DAPK2: variants seen among roughly 807,000 people sequenced by gnomAD.
DAPK2 encodes the protein death associated protein kinase 2, also known as death-associated protein kinase 2.
In DAPK2, 35 loss-of-function variants were observed where a neutral mutation model predicts 44.1. That is an observed-to-expected ratio of 0.79 (90% CI 0.61 to 1.05). The LOEUF (loss-of-function observed/expected upper bound fraction) is 1.05, where lower values mean the gene tolerates loss of function less well. Among genes scored for constraint, DAPK2 ranks in the 50% least tolerant of loss-of-function variants. The pLI is 0.00. For missense variants in DAPK2, 453 were observed against 483.2 expected (o/e 0.94, Z 0.59); for synonymous variants, 174 against 182.6 (o/e 0.95, Z 0.38).
At chr15:63,975,752 C>T (rs967834338) in intron 2 of DAPK2, among the ~76,000 whole-genome samples, 1 of 152,180 alleles carries the variant, frequency 6.6e-6, no homozygotes, top group Non-Finnish European at 1.5e-5. Context: ...GCACATGCCG[C>T]TACGCCCAGC....
chr15:64,018,963 T>C (rs528620508), intron 1 of DAPK2, among the ~76,000 whole-genome samples: 2 of 152,340 alleles, frequency 1.3e-5, no homozygotes, highest in East Asian at 3.9e-4. Context: ...GGTTTCCTCC[T>C]CCCTAAAAGG....
At chr15:63,987,130 G>T (rs2078688309) in intron 1 of DAPK2, among the ~76,000 whole-genome samples, 1 of 152,172 alleles carries the variant, frequency 6.6e-6, no homozygotes, top group African/African-American at 2.4e-5. Flanking sequence ...GATAACAGGA[G>T]TGAAAATTTG....
Position 63,923,402 on chromosome 15 carries a change from A to G in DAPK2, c.858+1414T>C, listed in dbSNP as rs2079144462. 1 of 1,503,926 alleles carries G rather than the reference A, an allele frequency of 6.6e-7. No homozygotes were observed. The highest frequency in any genetic ancestry group is 2.5e-5 in the East Asian group (1 of 40,598). 93.2% of individuals were successfully genotyped at this position (1,503,926 alleles called of 1,614,324 possible). A position where few individuals can be genotyped will look rare whatever the true frequency, so the allele number is the denominator to read the frequency against. Reference sequence around the variant, plus strand: ...TAATTTGCCGCCCACCCCAGAGGGCAGTCCAAAGGGTAGGCAGAAGGCACA... The same window carrying G: ...TAATTTGCCGCCCACCCCAGAGGGCGGTCCAAAGGGTAGGCAGAAGGCACA... On this transcript the variant is annotated intron_variant, in intron 8 of 10. Transcript: ENST00000261891. The surrounding 1 kb of genome is among the most constrained non-coding windows in gnomAD (Gnocchi z 4.2).
At chr15:64,033,335 A>AG (rs1245934503) in intron 1 of DAPK2, among the ~76,000 whole-genome samples, 5 of 150,800 alleles carry the variant, frequency 3.3e-5, no homozygotes, top group Non-Finnish European at 7.4e-5. Context: ...GAAAAAAAAA[A>AG]TAGCTGCTGG....
At chr15:63,985,905 T>C (rs2078655705) in intron 1 of DAPK2, among the ~76,000 whole-genome samples, 1 of 152,250 alleles carries the variant, frequency 6.6e-6, no homozygotes, top group Admixed American at 6.5e-5. Flanking sequence ...CTGAGTTTTC[T>C]CTTTGCGAGA....
rs1555484537 is a variant in DAPK2 at position 64,036,309 on chromosome 15, G to GTATATATGTATATA, written c.92+3860_92+3861insTATATACATATATA. Among the ~76,000 whole-genome samples, 354 of 60,488 alleles carry GTATATATGTATATA rather than the reference G, an allele frequency of 5.9e-3. 4 individuals are homozygous for GTATATATGTATATA. Among genetic ancestry groups the GTATATATGTATATA allele is most frequent in the Non-Finnish European group, 0.011 (279 of 24,968 alleles). 39.7% of individuals were successfully genotyped at this position (60,488 alleles called of 152,430 possible). A position where few individuals can be genotyped will look rare whatever the true frequency, so the allele number is the denominator to read the frequency against. On this transcript the variant is annotated intron_variant, in intron 1 of 10. Transcript: ENST00000261891. The stretch of plus-strand genomic sequence containing the variant: ...TGTGTGTGTGTGTGTGTGTGTGTGT[G>GTATATATGTATATA]TATATATATGTATATATATATATAT...
At chr15:63,999,134 C>T (rs2079022221) in intron 1 of DAPK2, among the ~76,000 whole-genome samples, 1 of 152,222 alleles carries the variant, frequency 6.6e-6, no homozygotes, top group South Asian at 2.1e-4. Context: ...CGCCCATTCA[C>T]TCTTCAGCAG....
chr15:64,012,114 A>T (rs2079404429), intron 1 of DAPK2, among the ~76,000 whole-genome samples: 1 of 152,180 alleles, frequency 6.6e-6, no homozygotes, highest in South Asian at 2.1e-4. Flanking sequence ...GGAATCTTAA[A>T]AGTCCTGGCA....
chr15:64,008,461 G>T (rs1248836291), intron 1 of DAPK2, among the ~76,000 whole-genome samples: 1 of 152,154 alleles, frequency 6.6e-6, no homozygotes, highest in East Asian at 1.9e-4. Context: ...CAGGTGCATT[G>T]TATTCTGGGA....
intron 3 of DAPK2, among the ~76,000 whole-genome samples, chr15:63,965,721 C>T (rs904349729): frequency 1.3e-5 from 2 of 152,224 alleles, no homozygotes; most frequent in African/African-American, 4.8e-5. Context: ...GCATCTCCCC[C>T]CATGGCCCCC....
In DAPK2 at chr15:63,997,272, A is replaced by G. The variant is rs2078974527; in HGVS notation, c.93-13518T>C. 3.3e-5 allele frequency among the ~76,000 whole-genome samples: 5 copies of G among 152,316 alleles called. No individual in the cohort carries two copies. The South Asian group carries it at 1.0e-3, about 32-fold the overall frequency. The stretch of plus-strand genomic sequence containing the variant: ...AAGCCTAATTGTCAGGGCGCAGGAA[A>G]GGTATGTGTCAAATCCAACATGATT... On this transcript the variant is annotated intron_variant, in intron 1 of 10. Coordinates refer to ENST00000261891, the Ensembl canonical transcript of DAPK2.
chr15:63,956,972 G>A lies in DAPK2; in HGVS notation c.453+14451C>T, dbSNP rs549695523. 2.0e-3 allele frequency among the ~76,000 whole-genome samples: 305 copies of A among 152,320 alleles called. 1 individual carries two copies. The highest frequency in any genetic ancestry group is 2.8e-3 in the Non-Finnish European group (193 of 68,032). ...ATGTGCTGAGCAGAATGTGTATTCTGCAACTATTAGATGAAACGTTCTGTA... is the reference window on the plus strand; with the variant it reads ...ATGTGCTGAGCAGAATGTGTATTCTACAACTATTAGATGAAACGTTCTGTA... On this transcript the variant is annotated intron_variant, in intron 3 of 10. Transcript: ENST00000261891.
rs1400116672 is a variant in DAPK2, at chr15:63,925,681, C to T, written c.812+260G>A. On this transcript the variant is annotated intron_variant, in intron 7 of 10. Coordinates refer to ENST00000261891, the Ensembl canonical transcript of DAPK2. ...GAAACCCAGGCTGACTTGTAGCGCACACACACACACACACACACACACACA... is the reference window on the plus strand; with the variant it reads ...GAAACCCAGGCTGACTTGTAGCGCATACACACACACACACACACACACACA... 7.6e-4 allele frequency among the ~76,000 whole-genome samples: 46 copies of T among 60,906 alleles called. 1 individual carries two copies. The East Asian group carries it at 7.7e-3, about 10-fold the overall frequency. 40.0% of individuals were successfully genotyped at this position (60,906 alleles called of 152,430 possible).
intron 1 of DAPK2, among the ~76,000 whole-genome samples, chr15:64,004,994 C>T (rs1342539185): frequency 6.6e-6 from 1 of 152,200 alleles, no homozygotes; most frequent in Admixed American, 6.5e-5. Context: ...ACCTAATCCT[C>T]CTAGCACTTA....
At chr15:63,942,900 T>C (rs1401066649) in intron 3 of DAPK2, among the ~76,000 whole-genome samples, 1 of 152,106 alleles carries the variant, frequency 6.6e-6, no homozygotes, top group African/African-American at 2.4e-5. Flanking sequence ...CTCTACTGGG[T>C]TGCCCAAGGG....
At chr15:63,994,931 A>G (rs2078913728) in intron 1 of DAPK2, among the ~76,000 whole-genome samples, 1 of 151,936 alleles carries the variant, frequency 6.6e-6, no homozygotes. Context: ...GGTACTGTAG[A>G]TACTATTTTG....
intron 1 of DAPK2, among the ~76,000 whole-genome samples, chr15:63,997,162 C>T (rs1254963992): frequency 6.6e-6 from 1 of 152,170 alleles, no homozygotes; most frequent in African/African-American, 2.4e-5. Context: ...CTCCCAGGTG[C>T]CTTCAGGGTT....
rs1326641750 is a variant in DAPK2, at chr15:63,980,255, C to T, written c.314+3278G>A. Among the ~76,000 whole-genome samples, 2 of 152,204 alleles carry T rather than the reference C, an allele frequency of 1.3e-5. No individual in the cohort carries two copies. The highest frequency in any genetic ancestry group is 2.9e-5 in the Non-Finnish European group (2 of 68,044). ...ACCATGAGCCCTGTTGGGAAAAACA[C>T]AGACATCTCAAGAGCATTTACCTGC... On this transcript the variant is annotated intron_variant, in intron 2 of 10. Transcript: ENST00000261891. This position sits in a 1 kb window ranked among gnomAD's most constrained non-coding sequence, Gnocchi z 4.3.
intron 2 of DAPK2, among the ~76,000 whole-genome samples, chr15:63,973,920 A>G (rs753969067): frequency 2.0e-5 from 3 of 152,166 alleles, no homozygotes; most frequent in Non-Finnish European, 4.4e-5. Context: ...AAAGAAGCAG[A>G]CTGAGCAAGA....
Sources: gnomAD v4.1 joint callset for allele counts (sites outside exome capture counted in the v4.1 genomes callset) on GRCh38, gnomAD v4.1.1 for gene constraint, Gnocchi (gnomAD v3.1) non-coding constraint, MANE v1.5 for transcripts, NCBI Gene and HGNC (gene_info 2026-07-23, HGNC 2026-07-21) for gene names.